The following NTN1 variants were observed in gnomAD, a reference collection of about 807,000 sequenced individuals.
NTN1 encodes netrin-1.
A neutral mutation model predicts 54.2 loss-of-function variants in NTN1; 11 were observed. The ratio of observed to expected loss-of-function variants is 0.20; its 90% CI spans 0.13 to 0.34. The LOEUF is 0.34. Among genes scored for constraint, NTN1 ranks in the 10% least tolerant of loss-of-function variants. The pLI is 1.00. For missense variants in NTN1, 740 were observed against 893.1 expected, an observed-to-expected ratio of 0.83 and a Z score of 2.18; for synonymous variants, 371 against 382.0, an observed-to-expected ratio of 0.97 and a Z score of 0.33.
intron 5 of NTN1, among the ~76,000 whole-genome samples, chr17:9,203,023 A>G (rs767404849): frequency 4.6e-5 from 7 of 151,940 alleles, no homozygotes; most frequent in East Asian, 1.9e-4. Context: ...CCGGGTTCAC[A>G]CCATTCTCCT....
In NTN1 at chr17:9,215,516, G is replaced by T. The variant is rs59288238; in HGVS notation, c.1412-5652G>T. On this transcript the variant is annotated intron_variant, in intron 5 of 6. Coordinates refer to ENST00000173229, the MANE Select transcript of NTN1 (RefSeq NM_004822.3). ...TTACTTTTGACTCATTTCATAGTTG[G>T]TTGGAAAACATTCTCAAGTATTTAT... Among the ~76,000 whole-genome samples, 873 of 151,248 alleles carry T rather than the reference G, an allele frequency of 5.8e-3. 8 individuals are homozygous for T. The highest frequency in any genetic ancestry group is 0.021 in the African/African-American group (837 of 40,554).
At chr17:9,225,727 C>T (rs1056110328) in intron 6 of NTN1, among the ~76,000 whole-genome samples, 3 of 152,048 alleles carry the variant, frequency 2.0e-5, no homozygotes, top group Admixed American at 6.5e-5. Context: ...CGGGCCAGGG[C>T]GGGCCGGGCA....
At position 9,162,803 on chromosome 17, in the gene NTN1, C is replaced by A. The variant is rs1405420086; in HGVS notation, c.1019-10C>A. 1 of 1,604,384 alleles carries A rather than the reference C, an allele frequency of 6.2e-7. No homozygotes were observed. Among genetic ancestry groups the A allele is most frequent in the Non-Finnish European group, 8.5e-7 (1 of 1,172,672 alleles). ...CTGCGGCTGACACCTCTCTCTGTCTCCCCCTGCAGCCTGTAACTGCAACCT... is the reference window on the plus strand; with the variant it reads ...CTGCGGCTGACACCTCTCTCTGTCTACCCCTGCAGCCTGTAACTGCAACCT... On this transcript the variant is annotated splice_polypyrimidine_tract_variant and intron_variant, in intron 2 of 6. Coordinates refer to ENST00000173229, the MANE Select transcript of NTN1 (RefSeq NM_004822.3).
chr17:9,006,189 T>TG, the NTN1 span, among the ~76,000 whole-genome samples: 1 of 35,996 alleles, frequency 2.8e-5, no homozygotes, highest in Non-Finnish European at 5.8e-5. Context: ...TGGTGGGTAG[T>TG]GGGGGGGACA....
At chr17:9,080,124 T>G (rs1351924493) in intron 2 of NTN1, among the ~76,000 whole-genome samples, 1 of 152,258 alleles carries the variant, frequency 6.6e-6, no homozygotes, top group African/African-American at 2.4e-5. Flanking sequence ...CTAGCAGGCC[T>G]GTTTCCAGGC....
chr17:9,072,691 C>T (rs974017536), intron 2 of NTN1, among the ~76,000 whole-genome samples: 31 of 152,010 alleles, frequency 2.0e-4, no homozygotes, highest in Non-Finnish European at 3.2e-4. Flanking sequence ...TGGGAATAAG[C>T]GGGAGGAGAA....
chr17:9,202,975 G>C (rs1904847058), intron 5 of NTN1, among the ~76,000 whole-genome samples: 1 of 152,078 alleles, frequency 6.6e-6, no homozygotes. Context: ...AGGCTAGAGT[G>C]CAGTGGCGCG....
At chr17:9,232,312 G>A (rs972365018) in intron 6 of NTN1, among the ~76,000 whole-genome samples, 22 of 152,206 alleles carry the variant, frequency 1.4e-4, no homozygotes, top group Admixed American at 1.4e-3. Context: ...CCCTACTTAA[G>A]CCTCTTGCTA....
At chr17:9,210,909 A>G (rs1905093041) in intron 5 of NTN1, among the ~76,000 whole-genome samples, 1 of 64,564 alleles carries the variant, frequency 1.5e-5, no homozygotes, top group African/African-American at 7.0e-5. Flanking sequence ...CCATCTGAAA[A>G]AAAAAAAAAA....
rs546785956 is a variant in NTN1, at chr17:9,200,310, C to G, written c.1411+17341C>G. 1.2e-3 allele frequency among the ~76,000 whole-genome samples: 188 copies of G among 152,302 alleles called. 1 individual carries two copies. Among genetic ancestry groups the G allele is most frequent in the African/African-American group, 4.3e-3 (180 of 41,570 alleles). ...TCACTGGGAGAGCTGACAAGGAGACCCCATGGGGCTGGCCCGGTGGGAGCA... is the reference window on the plus strand; with the variant it reads ...TCACTGGGAGAGCTGACAAGGAGACGCCATGGGGCTGGCCCGGTGGGAGCA... On this transcript the variant is annotated intron_variant, in intron 5 of 6. Transcript: ENST00000173229.
At chr17:9,039,383 A>G (rs1449830197) in intron 2 of NTN1, among the ~76,000 whole-genome samples, 1 of 152,214 alleles carries the variant, frequency 6.6e-6, no homozygotes, top group Non-Finnish European at 1.5e-5. Flanking sequence ...TAATGATTTG[A>G]TTATTTAAAT....
At chr17:9,161,322 G>A (rs893820602) in intron 2 of NTN1, among the ~76,000 whole-genome samples, 3 of 152,164 alleles carry the variant, frequency 2.0e-5, no homozygotes, top group Non-Finnish European at 4.4e-5. Flanking sequence ...GCAGGCGAGG[G>A]GTCCTTGCAC....
rs533828636 is a variant in NTN1 at position 9,033,481 on chromosome 17, C to T, written c.1018+10090C>T. Among the ~76,000 whole-genome samples the T allele has an allele frequency of 6.8e-4, 103 of 152,292 alleles. 1 individual carries two copies. The highest frequency in any genetic ancestry group is 2.3e-3 in the African/African-American group (94 of 41,564). ...CGATTTTCCTGATCTGTAGAAAGTA[C>T]TTAGTTCTGGCCAGGCACAGCAGCT... On this transcript the variant is annotated intron_variant, in intron 2 of 6. Coordinates refer to ENST00000173229, the MANE Select transcript of NTN1 (RefSeq NM_004822.3).
chr17:9,010,958 C>T, the NTN1 span, among the ~76,000 whole-genome samples: 2 of 151,968 alleles, frequency 1.3e-5, no homozygotes, highest in Admixed American at 6.6e-5. Flanking sequence ...GAGGCTTCAG[C>T]TTGTTTTTTT....
intron 2 of NTN1, among the ~76,000 whole-genome samples, chr17:9,029,525 T>G (rs930971354): frequency 1.3e-5 from 2 of 152,194 alleles, no homozygotes; most frequent in Non-Finnish European, 2.9e-5. Context: ...TTGAAAGAAG[T>G]GAGCTGCCTG....
intron 2 of NTN1, among the ~76,000 whole-genome samples, chr17:9,132,759 A>G (rs1317677310): frequency 6.6e-6 from 1 of 152,118 alleles, no homozygotes; most frequent in Non-Finnish European, 1.5e-5. Flanking sequence ...CTGTAATCCC[A>G]GTTACTCAGG....
chr17:9,239,471 C>T lies in NTN1; in HGVS notation c.1487-169C>T, dbSNP rs1906109164. Among the ~76,000 whole-genome samples, 1 of 152,184 alleles carries T rather than the reference C, an allele frequency of 6.6e-6. No homozygotes were observed. The highest frequency in any genetic ancestry group is 1.5e-5 in the Non-Finnish European group (1 of 68,018). ...CAAGGCTTCTTGGCCCTGTTGTTAG[C>T]AGGTGGGGGTCTACGATCAGCTTGC... is the stretch of plus-strand genomic sequence containing the variant. On this transcript the variant is annotated intron_variant, in intron 6 of 6. Transcript: ENST00000173229. The surrounding 1 kb of genome is among the most constrained non-coding windows in gnomAD (Gnocchi z 5.2).
At chr17:9,177,223 C>G (rs1156337316) in intron 3 of NTN1, 1 of 152,224 alleles carries the variant, frequency 6.6e-6, no homozygotes, top group African/African-American at 2.4e-5. Flanking sequence ...GTCTGCCGCA[C>G]CCAGCAGACA....
chr17:9,202,991 C>T (rs774112715), intron 5 of NTN1, among the ~76,000 whole-genome samples: 3 of 152,082 alleles, frequency 2.0e-5, no homozygotes, highest in Non-Finnish European at 4.4e-5. Context: ...GCGCGATCTC[C>T]GCTCACTGCA....
Sources: gnomAD v4.1 joint callset for allele counts (sites outside exome capture counted in the v4.1 genomes callset) on GRCh38, gnomAD v4.1.1 for gene constraint, Gnocchi (gnomAD v3.1) non-coding constraint, MANE v1.5 for transcripts, NCBI Gene and HGNC (gene_info 2026-07-23, HGNC 2026-07-21) for gene names.